The following HIP1R variants were observed in gnomAD, a reference collection of about 807,000 sequenced individuals.
HIP1R encodes huntingtin-interacting protein 1-related protein.
A neutral mutation model predicts 144.2 loss-of-function variants in HIP1R; 135 were observed. The observed-to-expected ratio is 0.94, with a 90% confidence interval of 0.81 to 1.08. The LOEUF is 1.08. HIP1R is among the 50% of genes least tolerant of loss of function. The pLI is 0.00. For missense variants in HIP1R, 1,462 were observed against 1,432.8 expected (o/e 1.02, Z -0.33); for synonymous variants, 698 against 612.8 (o/e 1.14, Z -2.05).
chr12:122,859,174 C>A lies in HIP1R; in HGVS notation c.2272C>A (p.Gln758Lys). ...GGCCAGCCTGGTGCGGACACCCCTG[C>A]AGGGCATCCTTCAGCTGGGCCAGGT... ...MQASLVRTPL[Q>K]GILQLGQELK... Residue 758 changes from glutamine to lysine, a missense_variant, in exon 22 of 32, where the codon CAG becomes AAG. Transcript: ENST00000253083. The A allele has an allele frequency of 6.3e-7, 1 of 1,575,250 alleles. No homozygotes were observed. The highest frequency in any genetic ancestry group is 1.2e-5 in the South Asian group (1 of 86,782).
chr12:122,862,836 C>A lies in HIP1R; in HGVS notation c.*1083C>A, dbSNP rs2033809260. On this transcript the variant is annotated 3_prime_UTR_variant, in exon 32 of 32. Transcript: ENST00000253083. ...CCTTTCACCCTGTGCTCTGGAAAGGCTACCAAATACTGGCCAAGGTCAGGA... is the reference window on the plus strand; with the variant it reads ...CCTTTCACCCTGTGCTCTGGAAAGGATACCAAATACTGGCCAAGGTCAGGA... The A allele has an allele frequency of 1.3e-5, 2 of 152,172 alleles. No homozygotes were observed. Among genetic ancestry groups the A allele is most frequent in the Admixed American group, 6.5e-5 (1 of 15,286 alleles). The allele number at this position is 152,172 out of a possible 1,614,324, so 9.4% of individuals were successfully genotyped here.
At chr12:122,855,464 G>C in intron 11 of HIP1R, 59 bp downstream of exon 11, 2 of 1,548,252 alleles carry the variant, frequency 1.3e-6, no homozygotes, top group East Asian at 2.4e-5. Context: ...GAGGCCAACG[G>C]GAGTGTCGGG....
At chr12:122,845,285 A>C (rs1352066660) in intron 1 of HIP1R, among the ~76,000 whole-genome samples, 1 of 152,208 alleles carries the variant, frequency 6.6e-6, no homozygotes, top group Non-Finnish European at 1.5e-5. Context: ...GTCAGAGGCG[A>C]GGCCCACGGA....
At chr12:122,838,658 T>G (rs2032974435) in intron 1 of HIP1R, among the ~76,000 whole-genome samples, 2 of 152,222 alleles carry the variant, frequency 1.3e-5, no homozygotes, top group African/African-American at 4.8e-5. Flanking sequence ...CGTTAATGAC[T>G]TAGTAAGGCG....
chr12:122,855,008 C>T, intron 9 of HIP1R, 45 bp from the exon 10 acceptor site: 15 of 1,613,388 alleles, frequency 9.3e-6, no homozygotes, highest in Non-Finnish European at 1.3e-5. Flanking sequence ...GGGGGAGAGG[C>T]TCCGTGGCCC....
chr12:122,855,569 G>A lies in HIP1R; in HGVS notation c.1012G>A (p.Asp338Asn), dbSNP rs888646719. The change falls in exon 12 of 32, where the codon GAT (aspartate) becomes AAT (asparagine). Residue 338 changes from aspartate (D) to asparagine (N), a missense_variant. This residue lies in a region of HIP1R where 1,112 missense variants were observed against 1,011.7 expected (regional missense o/e 1.10). Coordinates refer to ENST00000253083, the MANE Select transcript of HIP1R (RefSeq NM_003959.3). ...GEPVVVADLFDQTFGPPNGSV... is the reference protein window; with the variant it reads ...GEPVVVADLFNQTFGPPNGSV... ...GTGGCAGGTGGTGGCTGACCTCTTC[G>A]ATCAGACGTTTGGACCCCCCAATGG... 22 of 1,549,558 alleles carry A rather than the reference G, an allele frequency of 1.4e-5. No individual in the cohort carries two copies. The African/African-American group carries it at 1.9e-4, about 13-fold the overall frequency.
At chr12:122,850,191 G>T in intron 5 of HIP1R, 1 of 654,290 alleles carries the variant, frequency 1.5e-6, no homozygotes, top group Middle Eastern at 2.4e-4. Flanking sequence ...AGGCGTTTCT[G>T]TGGACATGAG....
At position 122,856,671 on chromosome 12, in the gene HIP1R, A is replaced by T; in HGVS notation, c.1565A>T (p.Glu522Val). The part of the protein sequence containing the change: ...DQLEKLKREL[E>V]AKAGELARAQ... Reference sequence around the variant, plus strand: ...CTGGAGAAGCTCAAGAGGGAGCTGGAGGCCAAGGCCGGAGAGCTGGCCCGC... The same window carrying T: ...CTGGAGAAGCTCAAGAGGGAGCTGGTGGCCAAGGCCGGAGAGCTGGCCCGC... Residue 522 changes from glutamate to valine, a missense_variant, in exon 17 of 32, where the codon GAG (glutamate) becomes GTG (valine). Around this residue, in one of 2 missense-constraint regions of HIP1R, gnomAD observed 1,112 missense variants for 1,011.7 expected, o/e 1.10. Transcript: ENST00000253083. The T allele has an allele frequency of 6.2e-7, 1 of 1,603,010 alleles. No homozygotes were observed. The highest frequency in any genetic ancestry group is 1.3e-5 in the African/African-American group (1 of 74,916).
chr12:122,849,647 G>A (rs1022596499), intron 4 of HIP1R, among the ~76,000 whole-genome samples: 2 of 152,254 alleles, frequency 1.3e-5, no homozygotes, highest in Non-Finnish European at 2.9e-5. Flanking sequence ...CTGGCCTGCC[G>A]CCCTGGACAA....
In HIP1R at chr12:122,854,057, A is replaced by G; in HGVS notation, c.592A>G (p.Asn198Asp). 6.2e-7 allele frequency: 1 copy of G among 1,613,028 alleles called. No homozygotes were observed. The highest frequency in any genetic ancestry group is 8.5e-7 in the Non-Finnish European group (1 of 1,179,252). Residue 198 changes from asparagine to aspartate, a missense_variant, in exon 8 of 32, where the codon AAC (asparagine) becomes GAC (aspartate). Physicochemically the swap from Asn to Asp is conservative, Grantham distance 23 (BLOSUM62 1). Around this residue, in one of 2 missense-constraint regions of HIP1R, gnomAD observed 350 missense variants for 421.1 expected, o/e 0.83. Coordinates refer to ENST00000253083, the MANE Select transcript of HIP1R (RefSeq NM_003959.3). ...KLSESVFRQL[N>D]TAIAVSQMSS... The stretch of plus-strand genomic sequence containing the variant: ...CTTTTGCACAGTTTTCCGACAGCTC[A>G]ACACGGCCATCGCCGTATCCCAGAT...
At chr12:122,858,987 G>A in intron 21 of HIP1R, 42 bp downstream of exon 21, 6 of 1,610,710 alleles carry the variant, frequency 3.7e-6, no homozygotes, top group Non-Finnish European at 5.1e-6. Context: ...CACCTCACTG[G>A]CTTGTCTCCC....
intron 8 of HIP1R, among the ~76,000 whole-genome samples, chr12:122,854,695 C>T (rs541352158): frequency 6.6e-6 from 1 of 152,340 alleles, no homozygotes; most frequent in South Asian, 2.1e-4. Context: ...CCTTCCTTTC[C>T]ATTCGCTGTT....
chr12:122,843,134 C>T lies in HIP1R; in HGVS notation c.94-4897C>T, dbSNP rs144136604. Reference sequence around the variant, plus strand: ...GTTAGCAGGCCCTTGGGGAGTGGGGCTCCTGTGGTGGGACGATAAGGATGT... The same window carrying T: ...GTTAGCAGGCCCTTGGGGAGTGGGGTTCCTGTGGTGGGACGATAAGGATGT... On this transcript the variant is annotated intron_variant, in intron 1 of 31. Transcript: ENST00000253083. 3.1e-3 allele frequency among the ~76,000 whole-genome samples: 471 copies of T among 152,296 alleles called. 1 individual carries two copies. Among genetic ancestry groups the T allele is most frequent in the African/African-American group, 0.011 (456 of 41,562 alleles).
chr12:122,857,749 T>TGTC (rs2033635272), intron 18 of HIP1R: 1 of 275,122 alleles, frequency 3.6e-6, no homozygotes, highest in East Asian at 7.0e-5. Context: ...TGCTTATTAT[T>TGTC]GTCTTCTTTT....
At chr12:122,847,418 C>A (rs944995309) in intron 1 of HIP1R, among the ~76,000 whole-genome samples, 17 of 152,208 alleles carry the variant, frequency 1.1e-4, no homozygotes, top group African/African-American at 3.9e-4. Context: ...GCAGACCCCA[C>A]TCCTGCCTTC....
chr12:122,858,707 C>T, intron 20 of HIP1R, 131 bp from the exon 21 acceptor site: 1 of 738,710 alleles, frequency 1.4e-6, no homozygotes. Flanking sequence ...CCACTGCCTC[C>T]TGGACGTTGT....
chr12:122,859,485 G>C lies in HIP1R; in HGVS notation c.2355G>C (p.Lys785Asn). 2 of 1,613,452 alleles carry C rather than the reference G, an allele frequency of 1.2e-6. No homozygotes were observed. Among genetic ancestry groups the C allele is most frequent in the Non-Finnish European group, 1.7e-6 (2 of 1,179,948 alleles). ...AGGAGCTGGGGGCCGTGGTCGACAA[G>C]GAGATGGCGGCCACATCCGCAGCCA... ...RQEELGAVVD[K>N]EMAATSAAIE... The change falls in exon 23 of 32, where the codon AAG becomes AAC. Residue 785 changes from lysine to asparagine, a missense_variant. By Grantham distance (94) the Lys-to-Asn change is moderately conservative. Coordinates refer to ENST00000253083, the MANE Select transcript of HIP1R (RefSeq NM_003959.3).
chr12:122,852,972 C>G (rs368337819), intron 7 of HIP1R, among the ~76,000 whole-genome samples: 8 of 152,302 alleles, frequency 5.3e-5, no homozygotes, highest in South Asian at 4.1e-4. Flanking sequence ...GCCCCTCCCC[C>G]CCAGGCTCTC....
At chr12:122,842,731 G>A (rs1348495078) in intron 1 of HIP1R, among the ~76,000 whole-genome samples, 5 of 152,226 alleles carry the variant, frequency 3.3e-5, no homozygotes, top group Non-Finnish European at 7.3e-5. Context: ...CTCCACATCA[G>A]GCCTGGGCCA....
Sources: allele counts gnomAD v4.1 joint callset (sites outside exome capture counted in the v4.1 genomes callset), GRCh38; gene constraint gnomAD v4.1.1; regional missense constraint gnomAD v4.1.1; transcripts MANE v1.5; gene names NCBI Gene and HGNC (gene_info 2026-07-23, HGNC 2026-07-21).